The following GALNT13 variants were observed in gnomAD, a reference collection of about 807,000 sequenced individuals.
GALNT13 encodes the protein polypeptide N-acetylgalactosaminyltransferase 13.
Under a neutral mutation model 64.2 loss-of-function variants are expected in GALNT13, and 28 were observed. The ratio of observed to expected loss-of-function variants is 0.44; its 90% CI spans 0.32 to 0.60. GALNT13 has a LOEUF of 0.60. GALNT13 is among the 20% of genes least tolerant of loss of function. The pLI, the probability that GALNT13 is intolerant of heterozygous loss-of-function variation, is 0.05. For missense variants in GALNT13, 577 were observed against 669.8 expected (o/e 0.86, Z 1.53); for synonymous variants, 214 against 224.6 (o/e 0.95, Z 0.42).
At chr2:153,775,231 A>G in the GALNT13 span, among the ~76,000 whole-genome samples, 1 of 152,202 alleles carries the variant, frequency 6.6e-6, no homozygotes, top group Non-Finnish European at 1.5e-5. Flanking sequence ...ACTTATAAAA[A>G]TAGATCACAA....
At chr2:153,320,428 CTTCT>C in the GALNT13 span, among the ~76,000 whole-genome samples, 13 of 152,272 alleles carry the variant, frequency 8.5e-5, no homozygotes, top group Middle Eastern at 3.4e-3. Flanking sequence ...AAGCTCTGTG[CTTCT>C]AGAGATATAA....
At chr2:154,176,441 A>G (rs2105716641) in intron 4 of GALNT13, among the ~76,000 whole-genome samples, 1 of 151,622 alleles carries the variant, frequency 6.6e-6, no homozygotes, top group East Asian at 1.9e-4. Context: ...TTTAGTAGAG[A>G]CGGGGTTTCA....
chr2:153,538,309 T>C, the GALNT13 span, among the ~76,000 whole-genome samples: 3 of 127,122 alleles, frequency 2.4e-5, no homozygotes, highest in African/African-American at 1.1e-4. Context: ...AAATTTCTTT[T>C]CTTTTTTTTT....
the GALNT13 span, among the ~76,000 whole-genome samples, chr2:153,702,607 T>C: frequency 3.9e-5 from 6 of 152,038 alleles, no homozygotes; most frequent in African/African-American, 1.2e-4. Context: ...GGATGTGGTA[T>C]ATGGGAGAAA....
At chr2:154,259,269 A>T (rs943157188) in intron 8 of GALNT13, 131 bp downstream of exon 8, 2 of 651,870 alleles carry the variant, frequency 3.1e-6, no homozygotes, top group Non-Finnish European at 5.4e-6. Context: ...GGTTATCTTA[A>T]TTCACATTTT....
the GALNT13 span, among the ~76,000 whole-genome samples, chr2:153,808,789 T>C: frequency 6.6e-6 from 1 of 152,246 alleles, no homozygotes; most frequent in East Asian, 1.9e-4. Flanking sequence ...TTTACCTATA[T>C]TAGCCTCTGT....
chr2:153,425,580 T>C, the GALNT13 span, among the ~76,000 whole-genome samples: 3 of 151,884 alleles, frequency 2.0e-5, no homozygotes, highest in Admixed American at 6.6e-5. Context: ...CCTATTTCCT[T>C]CCCTGCTACT....
chr2:153,208,973 C>CTTTT, the GALNT13 span, among the ~76,000 whole-genome samples: 1,036 of 74,630 alleles, frequency 0.014, 88 homozygotes, highest in Non-Finnish European at 0.018. Context: ...TGGTTTTGGT[C>CTTTT]TTTTTTTTTT....
chr2:153,739,172 A>C, the GALNT13 span, among the ~76,000 whole-genome samples: 2 of 152,048 alleles, frequency 1.3e-5, no homozygotes, highest in East Asian at 3.9e-4. Flanking sequence ...GAAATGTATA[A>C]ATCTTAAATC....
the GALNT13 span, among the ~76,000 whole-genome samples, chr2:153,197,692 G>A: frequency 6.6e-6 from 1 of 152,210 alleles, no homozygotes; most frequent in East Asian, 1.9e-4. Flanking sequence ...GGGAAACCCT[G>A]TTTTCAGCAC....
the GALNT13 span, among the ~76,000 whole-genome samples, chr2:153,420,052 T>C: frequency 2.6e-5 from 4 of 152,166 alleles, no homozygotes; most frequent in African/African-American, 9.7e-5. Context: ...TTACTTCTTA[T>C]AATAATGTTT....
At chr2:153,988,893 T>C (rs977515114) in intron 3 of GALNT13, among the ~76,000 whole-genome samples, 3 of 151,904 alleles carry the variant, frequency 2.0e-5, no homozygotes, top group African/African-American at 4.8e-5. Flanking sequence ...ATGCCAGAGA[T>C]GGTAGTAAAA....
rs1457731146 is a variant in GALNT13 at position 154,187,372 on chromosome 2, AC to A, written c.311+46868del. ...GAGTAAGAAAGAGATAGGAGAAAAC[AC>A]ACACACACACACACACACACACACA... is the stretch of plus-strand genomic sequence containing the variant. On this transcript the variant is annotated intron_variant, in intron 4 of 12. Transcript: ENST00000392825. 2.9e-4 allele frequency among the ~76,000 whole-genome samples: 4 copies of A among 13,648 alleles called. No homozygotes were observed. In the Admixed American group the frequency reaches 6.2e-3, roughly 21 times the overall value. 9.0% of individuals were successfully genotyped at this position (13,648 alleles called of 152,430 possible). A position where few individuals can be genotyped will look rare whatever the true frequency, so the allele number is the denominator to read the frequency against.
the GALNT13 span, among the ~76,000 whole-genome samples, chr2:153,287,326 T>C: frequency 6.6e-6 from 1 of 152,138 alleles, no homozygotes; most frequent in South Asian, 2.1e-4. Flanking sequence ...TGTGTTACCA[T>C]GCCACTCTCA....
At chr2:153,127,441 G>C in the GALNT13 span, among the ~76,000 whole-genome samples, 34 of 152,220 alleles carry the variant, frequency 2.2e-4, no homozygotes, top group African/African-American at 6.7e-4. Flanking sequence ...TTTTTCTGTT[G>C]TAATTCATTT....
intron 7 of GALNT13, among the ~76,000 whole-genome samples, chr2:154,253,799 C>T (rs903264639): frequency 6.6e-6 from 1 of 152,152 alleles, no homozygotes; most frequent in African/African-American, 2.4e-5. Flanking sequence ...ATAATTTTAA[C>T]TTTCAAATAG....
chr2:153,162,152 G>T, the GALNT13 span, among the ~76,000 whole-genome samples: 1 of 152,080 alleles, frequency 6.6e-6, no homozygotes, highest in Admixed American at 6.5e-5. Flanking sequence ...GTCAATTGAG[G>T]TATTCTACAT....
intron 2 of GALNT13, among the ~76,000 whole-genome samples, chr2:153,939,334 A>G (rs1691177252): frequency 6.6e-6 from 1 of 152,200 alleles, no homozygotes; most frequent in South Asian, 2.1e-4. Context: ...AGGAGACCTA[A>G]GTCACTGATG....
chr2:153,627,038 G>T, the GALNT13 span, among the ~76,000 whole-genome samples: 1 of 152,186 alleles, frequency 6.6e-6, no homozygotes, highest in Non-Finnish European at 1.5e-5. Flanking sequence ...TTTCAAAAAG[G>T]GATGAGGAAT....
Sources: allele counts gnomAD v4.1 joint callset (sites outside exome capture counted in the v4.1 genomes callset), GRCh38; gene constraint gnomAD v4.1.1; transcripts MANE v1.5; gene names NCBI Gene and HGNC (gene_info 2026-07-23, HGNC 2026-07-21).